Variants in MYO5B observed in about 807,000 individuals in gnomAD.
The protein encoded by MYO5B is myosin VB, also known as unconventional myosin-Vb.
MYO5B carries 143 observed loss-of-function variants against 229.3 expected under a neutral mutation model. That is an observed-to-expected ratio of 0.62 (90% CI 0.54 to 0.72). The LOEUF is 0.72. MYO5B is among the 30% of genes least tolerant of loss of function. The probability of loss-of-function intolerance (pLI) is 0.00; values close to 1 mark genes in which losing one functional copy is unlikely to be tolerated. For missense variants in MYO5B, 2,321 were observed against 2,331.0 expected (o/e 1.00, Z 0.09); for synonymous variants, 918 against 885.2 (o/e 1.04, Z -0.66).
At chr18:49,864,775 G>C (rs1168535550) in intron 27 of MYO5B, among the ~76,000 whole-genome samples, 1 of 152,194 alleles carries the variant, frequency 6.6e-6, no homozygotes, top group East Asian at 1.9e-4. Flanking sequence ...TCCAAGAAAA[G>C]ATACAAGAAT....
intron 4 of MYO5B, among the ~76,000 whole-genome samples, chr18:50,002,074 G>C (rs997346315): frequency 3.3e-5 from 5 of 150,118 alleles, no homozygotes; most frequent in Admixed American, 2.0e-4. Context: ...CACACTTTCA[G>C]TTATATCATC....
intron 1 of MYO5B, among the ~76,000 whole-genome samples, chr18:50,128,963 T>C (rs1257628710): frequency 2.0e-5 from 3 of 152,196 alleles, no homozygotes; most frequent in African/African-American, 4.8e-5. Context: ...GAGGATCACC[T>C]TCACAAAACA....
intron 6 of MYO5B, among the ~76,000 whole-genome samples, chr18:49,991,489 C>G (rs987917880): frequency 7.2e-5 from 11 of 152,010 alleles, no homozygotes; most frequent in African/African-American, 2.7e-4. Context: ...TTGCACCAAG[C>G]CCACTAAAGT....
chr18:49,867,654 C>G (rs1180427285), intron 27 of MYO5B, among the ~76,000 whole-genome samples: 1 of 152,158 alleles, frequency 6.6e-6, no homozygotes, highest in African/African-American at 2.4e-5. Flanking sequence ...ATGACCACTA[C>G]AAAGTAGATA....
intron 1 of MYO5B, among the ~76,000 whole-genome samples, chr18:50,114,626 C>T (rs779938345): frequency 3.3e-5 from 5 of 152,318 alleles, no homozygotes; most frequent in East Asian, 3.9e-4. Context: ...CAGCTGACTC[C>T]GTCAGAGCCT....
chr18:50,040,378 T>G (rs757453568), intron 2 of MYO5B, 64 bp from the exon 3 acceptor site: 1 of 1,431,610 alleles, frequency 7.0e-7, no homozygotes, highest in Non-Finnish European at 9.9e-7. Flanking sequence ...GTATTCAATG[T>G]CCTGTCTTCT....
intron 4 of MYO5B, among the ~76,000 whole-genome samples, chr18:50,033,834 A>T (rs2026417761): frequency 6.6e-6 from 1 of 151,832 alleles, no homozygotes; most frequent in Admixed American, 6.6e-5. Flanking sequence ...AGAGATAGGC[A>T]CAGTGAACAA....
chr18:50,031,488 C>T (rs566769529), intron 4 of MYO5B, among the ~76,000 whole-genome samples: 49 of 152,308 alleles, frequency 3.2e-4, no homozygotes, highest in African/African-American at 1.2e-3. Flanking sequence ...CCTATTCTTT[C>T]TTGAGCACCA....
At chr18:49,872,366 C>A in intron 26 of MYO5B, 134 bp from the exon 27 acceptor site, 1 of 844,854 alleles carries the variant, frequency 1.2e-6, no homozygotes, top group South Asian at 1.3e-5. Context: ...CACAAGTCCA[C>A]TTCCTTCCCA....
chr18:50,182,343 G>A (rs1024831517), intron 1 of MYO5B, among the ~76,000 whole-genome samples: 1 of 152,118 alleles, frequency 6.6e-6, no homozygotes. Flanking sequence ...AATACCCATG[G>A]GTCTTCATAA....
chr18:49,856,227 T>C (rs550128082), intron 30 of MYO5B, among the ~76,000 whole-genome samples: 1 of 152,196 alleles, frequency 6.6e-6, no homozygotes, highest in Non-Finnish European at 1.5e-5. Context: ...CCCTCCGGGC[T>C]TCAGTGTCCC....
chr18:49,957,142 C>CAAAAAAAAAAAAAAACA (rs2025501932), intron 12 of MYO5B, among the ~76,000 whole-genome samples: 1 of 58,736 alleles, frequency 1.7e-5, no homozygotes, highest in African/African-American at 7.9e-5. Context: ...AATAAAGTAG[C>CAAAAAAAAAAAAAAACA]AAAAAAAAAA....
In MYO5B at chr18:49,890,229, G is replaced by T. The variant is rs539574623; in HGVS notation, c.3045+4712C>A. On this transcript the variant is annotated intron_variant, in intron 22 of 39. Coordinates refer to ENST00000285039, the MANE Select transcript of MYO5B (RefSeq NM_001080467.3). ...AGGTAACAAACTTCTGCAGCCAAAT[G>T]GCCCCCACTTTGTGGTGTCAGGGCT... Among the ~76,000 whole-genome samples the T allele has an allele frequency of 2.4e-4, 36 of 152,310 alleles. No individual in the cohort carries two copies. In the South Asian group the frequency reaches 7.2e-3, roughly 31 times the overall value.
At chr18:49,971,076 T>C (rs1446585414) in intron 10 of MYO5B, 1 of 152,252 alleles carries the variant, frequency 6.6e-6, no homozygotes, top group Non-Finnish European at 1.5e-5. Context: ...AATGGACAGA[T>C]GGTCTTCTCC....
chr18:50,192,179 T>C (rs1356040573), intron 1 of MYO5B, among the ~76,000 whole-genome samples: 1 of 152,194 alleles, frequency 6.6e-6, no homozygotes, highest in Non-Finnish European at 1.5e-5. Flanking sequence ...TCAGCTTACA[T>C]GATTCTGACC....
In MYO5B at chr18:49,902,685, C is replaced by A; in HGVS notation, c.2720G>T (p.Arg907Met). 6.2e-7 allele frequency: 1 copy of A among 1,612,880 alleles called. No individual in the cohort carries two copies. The highest frequency in any genetic ancestry group is 8.5e-7 in the Non-Finnish European group (1 of 1,180,034). ...LKARRELKAL[R>M]IEARSAEHLK... ...ATGCTCTGCTGAGCGGGCCTCAATCCTGAGGGCCTTCAGCTCCCGCCTGGC... is the reference window on the plus strand; with the variant it reads ...ATGCTCTGCTGAGCGGGCCTCAATCATGAGGGCCTTCAGCTCCCGCCTGGC... Residue 907 changes from arginine (R) to methionine (M), a missense_variant, in exon 21 of 40, where the codon AGG becomes ATG. Physicochemically the swap from Arg to Met is moderately conservative, Grantham distance 91. This residue lies in a region of MYO5B where 2,113 missense variants were observed against 2,044.7 expected (regional missense o/e 1.03). Transcript: ENST00000285039.
At chr18:49,889,884 CT>C (rs1436295492) in intron 22 of MYO5B, among the ~76,000 whole-genome samples, 1 of 152,222 alleles carries the variant, frequency 6.6e-6, no homozygotes, top group Non-Finnish European at 1.5e-5. Flanking sequence ...TGTATGCCAC[CT>C]ACACCTCCTA....
chr18:49,885,585 C>T (rs981609103), intron 22 of MYO5B, among the ~76,000 whole-genome samples: 4 of 152,146 alleles, frequency 2.6e-5, no homozygotes, highest in Non-Finnish European at 5.9e-5. Flanking sequence ...GTTTGAATTT[C>T]AACTGGTTAC....
intron 1 of MYO5B, among the ~76,000 whole-genome samples, chr18:50,062,680 G>A (rs1308632450): frequency 3.3e-5 from 5 of 152,212 alleles, no homozygotes; most frequent in Admixed American, 2.0e-4. Context: ...CTGTCTGAAG[G>A]AGTGTTCATG....
Sources: gnomAD v4.1 joint callset for allele counts (sites outside exome capture counted in the v4.1 genomes callset) on GRCh38, gnomAD v4.1.1 for gene constraint, gnomAD v4.1.1 regional missense constraint, MANE v1.5 for transcripts, NCBI Gene and HGNC (gene_info 2026-07-23, HGNC 2026-07-21) for gene names.